Variants in SORCS1 observed in about 807,000 individuals in gnomAD.
SORCS1 encodes VPS10 domain-containing receptor SorCS1.
Under a neutral mutation model 146.1 loss-of-function variants are expected in SORCS1, and 60 were observed. The ratio of observed to expected loss-of-function variants is 0.41; its 90% CI spans 0.33 to 0.51. SORCS1 has a LOEUF of 0.51. Ranked by LOEUF, SORCS1 falls within the 20% of genes least tolerant of loss-of-function variation. The pLI, the probability that SORCS1 is intolerant of heterozygous loss-of-function variation, is 0.21. For missense variants in SORCS1, 1,352 were observed against 1,487.6 expected, an observed-to-expected ratio of 0.91 and a Z score of 1.50; for synonymous variants, 637 against 584.0, an observed-to-expected ratio of 1.09 and a Z score of -1.31.
chr10:106,851,094 T>C (rs1427993411), intron 2 of SORCS1, among the ~76,000 whole-genome samples: 2 of 152,236 alleles, frequency 1.3e-5, no homozygotes, highest in Non-Finnish European at 2.9e-5. Flanking sequence ...TCTTTGTATA[T>C]TGTATATGAC....
chr10:106,705,394 C>G (rs916568170), intron 8 of SORCS1, among the ~76,000 whole-genome samples: 2 of 152,150 alleles, frequency 1.3e-5, no homozygotes, highest in African/African-American at 4.8e-5. Flanking sequence ...TCTGTTACCA[C>G]TGGCTCTCCC....
intron 2 of SORCS1, among the ~76,000 whole-genome samples, chr10:106,941,550 G>A (rs923447562): frequency 7.2e-5 from 11 of 152,138 alleles, no homozygotes; most frequent in Non-Finnish European, 1.6e-4. Context: ...CCTATAAGTA[G>A]TTCACCGTGG....
intron 1 of SORCS1, among the ~76,000 whole-genome samples, chr10:107,054,992 A>G (rs1960467291): frequency 1.3e-5 from 2 of 152,204 alleles, no homozygotes; most frequent in African/African-American, 4.8e-5. Flanking sequence ...ATAGTCAGAG[A>G]CACAGACATG....
chr10:107,123,808 T>G (rs1966539294), intron 1 of SORCS1, among the ~76,000 whole-genome samples: 1 of 151,882 alleles, frequency 6.6e-6, no homozygotes, highest in Admixed American at 6.6e-5. Context: ...CAAGGTGTGG[T>G]GGCTCACGCC....
rs1426001566 is a variant in SORCS1, at chr10:107,013,160, C to T, written c.559-56580G>A. Among the ~76,000 whole-genome samples the T allele has an allele frequency of 3.3e-5, 5 of 151,948 alleles. No homozygotes were observed. In the East Asian group the frequency reaches 9.6e-4, roughly 29 times the overall value. ...AAACAAATAGAAAGTCTGAACACTG[C>T]CCCTTGGCTTTTGGCAGGCTCCCTT... On this transcript the variant is annotated intron_variant, in intron 1 of 25. Coordinates refer to ENST00000263054, the MANE Select transcript of SORCS1 (RefSeq NM_052918.5).
chr10:106,593,066 T>A (rs1455065685), intron 24 of SORCS1, among the ~76,000 whole-genome samples: 1 of 151,248 alleles, frequency 6.6e-6, no homozygotes, highest in Non-Finnish European at 1.5e-5. Flanking sequence ...GGGGCAGAGG[T>A]TGCAGTGATC....
rs968058008 is a variant in SORCS1 at position 106,679,315 on chromosome 10, A to T, written c.1681T>A (p.Leu561Met). Residue 561 changes from leucine (L) to methionine (M), a missense_variant, in exon 12 of 26, where the codon TTG becomes ATG. Leu to Met is a conservative substitution (Grantham distance 15). Transcript: ENST00000263054. ...IVASGNIGSE[L>M]SDTDISMFVS... ...AACATGCTGATGTCAGTGTCTGACAATTCAGAACCTATATTACCTAGAAAG... is the reference window on the plus strand; with the variant it reads ...AACATGCTGATGTCAGTGTCTGACATTTCAGAACCTATATTACCTAGAAAG... 2 of 1,612,740 alleles carry T rather than the reference A, an allele frequency of 1.2e-6. No individual in the cohort carries two copies. The highest frequency in any genetic ancestry group is 1.7e-6 in the Non-Finnish European group (2 of 1,179,152).
chr10:106,758,236 G>A (rs910127244), intron 5 of SORCS1, among the ~76,000 whole-genome samples: 1 of 152,210 alleles, frequency 6.6e-6, no homozygotes, highest in East Asian at 1.9e-4. Context: ...GGCGGAAGCA[G>A]TGGTGAGGTC....
chr10:107,172,909 T>C, the SORCS1 span, among the ~76,000 whole-genome samples: 3 of 152,236 alleles, frequency 2.0e-5, no homozygotes, highest in Non-Finnish European at 4.4e-5. Context: ...CCCGGTAACA[T>C]TGACAATGTT....
intron 2 of SORCS1, among the ~76,000 whole-genome samples, chr10:106,936,818 A>G (rs758990151): frequency 6.6e-5 from 10 of 152,250 alleles, no homozygotes; most frequent in African/African-American, 2.4e-4. Flanking sequence ...AATGGAAAAC[A>G]AAATAGTTGA....
At chr10:106,577,714 T>G in intron 25 of SORCS1, 159 bp from the exon 26 acceptor site, 1 of 1,394,042 alleles carries the variant, frequency 7.2e-7, no homozygotes, top group Non-Finnish European at 9.4e-7. Context: ...GAAATGCGAC[T>G]GAGAACCAAA....
At chr10:107,067,876 GA>G (rs1962035417) in intron 1 of SORCS1, among the ~76,000 whole-genome samples, 1 of 152,182 alleles carries the variant, frequency 6.6e-6, no homozygotes, top group South Asian at 2.1e-4. Flanking sequence ...CTAGTACTCA[GA>G]AAGTGCCTGG....
chr10:106,634,119 T>C (rs553457633), intron 18 of SORCS1, among the ~76,000 whole-genome samples: 2 of 152,326 alleles, frequency 1.3e-5, no homozygotes, highest in African/African-American at 2.4e-5. Flanking sequence ...ACTAAATTCA[T>C]TGTGGACTGA....
At chr10:106,752,672 A>G (rs1037204092) in intron 5 of SORCS1, among the ~76,000 whole-genome samples, 10 of 152,192 alleles carry the variant, frequency 6.6e-5, no homozygotes, top group African/African-American at 2.4e-4. Flanking sequence ...GGGAGACACA[A>G]GAGTCCTTGG....
In SORCS1 at chr10:106,939,267, T is replaced by G. The variant is rs561143831; in HGVS notation, c.626+17246A>C. The stretch of plus-strand genomic sequence containing the variant: ...CATGGCTAATCCAAGTCTTCGATTA[T>G]TTCAAAGGGTATACGTTTGGAATAA... On this transcript the variant is annotated intron_variant, in intron 2 of 25. Coordinates refer to ENST00000263054, the MANE Select transcript of SORCS1 (RefSeq NM_052918.5). Among the ~76,000 whole-genome samples the G allele has an allele frequency of 9.2e-5, 14 of 152,356 alleles. No homozygotes were observed. The South Asian group carries it at 2.9e-3, about 32-fold the overall frequency.
intron 1 of SORCS1, among the ~76,000 whole-genome samples, chr10:107,127,036 T>C (rs1408203084): frequency 6.6e-6 from 1 of 152,162 alleles, no homozygotes; most frequent in Non-Finnish European, 1.5e-5. Context: ...TTACAGATCT[T>C]TGATGGCTTT....
chr10:107,099,139 G>A (rs1272072661), intron 1 of SORCS1, among the ~76,000 whole-genome samples: 1 of 152,152 alleles, frequency 6.6e-6, no homozygotes, highest in African/African-American at 2.4e-5. Flanking sequence ...ATGTAAAGAA[G>A]GAAAAATTCT....
intron 1 of SORCS1, among the ~76,000 whole-genome samples, chr10:107,129,426 T>TA (rs1966846929): frequency 6.6e-6 from 1 of 152,206 alleles, no homozygotes; most frequent in African/African-American, 2.4e-5. Flanking sequence ...CTCACTGGCA[T>TA]AAAAAGAAGG....
chr10:107,173,671 GT>G, the SORCS1 span, among the ~76,000 whole-genome samples: 1 of 151,830 alleles, frequency 6.6e-6, no homozygotes, highest in South Asian at 2.1e-4. Flanking sequence ...AAGCTGTATT[GT>G]TTTATCATTT....
Sources: allele counts gnomAD v4.1 joint callset (sites outside exome capture counted in the v4.1 genomes callset), GRCh38; gene constraint gnomAD v4.1.1; transcripts MANE v1.5; gene names NCBI Gene and HGNC (gene_info 2026-07-23, HGNC 2026-07-21).